DYNC1I1: variants seen among roughly 807,000 people sequenced by gnomAD.
DYNC1I1 encodes dynein cytoplasmic 1 intermediate chain 1, also known as cytoplasmic dynein 1 intermediate chain 1.
DYNC1I1 carries 43 observed loss-of-function variants against 86.6 expected under a neutral mutation model. That is an observed-to-expected ratio of 0.50 (90% CI 0.39 to 0.64). The LOEUF (loss-of-function observed/expected upper bound fraction) is 0.64. DYNC1I1 is among the 30% of genes least tolerant of loss of function. The pLI is 0.00. For missense variants in DYNC1I1, 604 were observed against 788.8 expected (o/e 0.77, Z 2.81); for synonymous variants, 262 against 283.7 (o/e 0.92, Z 0.77).
intron 5 of DYNC1I1, among the ~76,000 whole-genome samples, chr7:95,861,475 C>G (rs1584102957): frequency 6.6e-6 from 1 of 152,218 alleles, no homozygotes; most frequent in East Asian, 1.9e-4. Flanking sequence ...CTGATATGCG[C>G]CTTTATTTAG....
intron 6 of DYNC1I1, among the ~76,000 whole-genome samples, chr7:95,943,383 G>T (rs1196506882): frequency 6.6e-6 from 1 of 151,776 alleles, no homozygotes; most frequent in Admixed American, 6.6e-5. Flanking sequence ...AGGATAGAAA[G>T]AAATGGAAGA....
intron 5 of DYNC1I1, among the ~76,000 whole-genome samples, chr7:95,832,071 A>C (rs1281458807): frequency 1.4e-5 from 2 of 143,966 alleles, no homozygotes; most frequent in Non-Finnish European, 3.0e-5. Flanking sequence ...GCACCCACTA[A>C]CTCGTCATAT....
chr7:95,865,686 C>G (rs1789999634), intron 5 of DYNC1I1, among the ~76,000 whole-genome samples: 2 of 152,096 alleles, frequency 1.3e-5, no homozygotes, highest in Non-Finnish European at 2.9e-5. Flanking sequence ...TTTTTAGATA[C>G]ACAAATACTC....
At chr7:96,086,172 TGCTGTCACACAGATGCA>T (rs994815366) in intron 16 of DYNC1I1, among the ~76,000 whole-genome samples, 13 of 152,212 alleles carry the variant, frequency 8.5e-5, no homozygotes, top group African/African-American at 3.1e-4. Flanking sequence ...AAGGCTTCAG[TGCTGTCACACAGATGCA>T]GCTGTCATAA....
intron 16 of DYNC1I1, among the ~76,000 whole-genome samples, chr7:96,088,897 A>G (rs1259813495): frequency 6.6e-6 from 1 of 152,174 alleles, no homozygotes. Context: ...ATTTTAAAGC[A>G]TGAGTTACTT....
At chr7:95,859,865 G>A (rs1789829154) in intron 5 of DYNC1I1, among the ~76,000 whole-genome samples, 1 of 152,226 alleles carries the variant, frequency 6.6e-6, no homozygotes, top group South Asian at 2.1e-4. Context: ...AATGAGCCTG[G>A]TGTTAGGATC....
At chr7:95,941,469 C>T (rs565724597) in intron 6 of DYNC1I1, among the ~76,000 whole-genome samples, 29 of 152,250 alleles carry the variant, frequency 1.9e-4, no homozygotes, top group South Asian at 6.2e-4. Context: ...TCGAGCTTCC[C>T]GGGCTGCTTT....
At chr7:95,957,177 C>CT (rs1241642676) in intron 6 of DYNC1I1, among the ~76,000 whole-genome samples, 1 of 152,092 alleles carries the variant, frequency 6.6e-6, no homozygotes, top group Non-Finnish European at 1.5e-5. Context: ...TAAAATATTC[C>CT]TTATGTGAAA....
At position 95,780,573 on chromosome 7, in the gene DYNC1I1, C is replaced by T. The variant is rs188521224; in HGVS notation, c.-10+7800C>T. On this transcript the variant is annotated intron_variant, in intron 1 of 16. Transcript: ENST00000447467. Reference sequence around the variant, plus strand: ...GATTACAGGTGTGAGCCACCACGCCCGGCCTCACTTTCCCTTTTAGAATAC... The same window carrying T: ...GATTACAGGTGTGAGCCACCACGCCTGGCCTCACTTTCCCTTTTAGAATAC... Among the ~76,000 whole-genome samples, 51 of 152,114 alleles carry T rather than the reference C, an allele frequency of 3.4e-4. 1 individual carries two copies. In the East Asian group the frequency reaches 9.1e-3, roughly 27 times the overall value.
intron 6 of DYNC1I1, among the ~76,000 whole-genome samples, chr7:95,973,410 C>T (rs1244598806): frequency 6.6e-6 from 1 of 152,142 alleles, no homozygotes; most frequent in East Asian, 1.9e-4. Context: ...AAATTAATAC[C>T]TACAACTGGT....
chr7:95,803,016 T>A (rs1413753985), intron 1 of DYNC1I1, among the ~76,000 whole-genome samples: 5 of 152,242 alleles, frequency 3.3e-5, no homozygotes, highest in African/African-American at 1.2e-4. Context: ...AGCATTTTGC[T>A]CTGCATTCCT....
At chr7:96,043,338 A>G (rs886549249) in intron 14 of DYNC1I1, among the ~76,000 whole-genome samples, 2 of 152,156 alleles carry the variant, frequency 1.3e-5, no homozygotes, top group Admixed American at 6.5e-5. Flanking sequence ...GTAGGCTTAC[A>G]CTCAAAATTG....
chr7:95,923,341 A>G (rs1025768760), intron 6 of DYNC1I1, among the ~76,000 whole-genome samples: 1 of 152,140 alleles, frequency 6.6e-6, no homozygotes, highest in African/African-American at 2.4e-5. Flanking sequence ...AAGCAATCTG[A>G]AAGAGTCACT....
chr7:95,977,664 T>G, intron 7 of DYNC1I1, 63 bp downstream of exon 7: 1 of 1,469,902 alleles, frequency 6.8e-7, no homozygotes, highest in Non-Finnish European at 9.3e-7. Flanking sequence ...CCTTTACTAA[T>G]ATAAGAGACT....
rs80172369 is a variant in DYNC1I1, at chr7:95,917,024, G to A, written c.490+47026G>A. On this transcript the variant is annotated intron_variant, in intron 6 of 16. Coordinates refer to ENST00000447467, the MANE Select transcript of DYNC1I1 (RefSeq NM_001135556.2). ...AGTAAGGATGAGTATGGTAGTTGAG[G>A]GCAACCGGGTGTGATTATCTAATTT... is the stretch of plus-strand genomic sequence containing the variant. Among the ~76,000 whole-genome samples the A allele has an allele frequency of 4.2e-4, 64 of 152,228 alleles. No individual in the cohort carries two copies. The East Asian group carries it at 0.012, about 28-fold the overall frequency.
chr7:96,008,378 T>C (rs1284679403), intron 10 of DYNC1I1, among the ~76,000 whole-genome samples: 1 of 151,690 alleles, frequency 6.6e-6, no homozygotes, highest in Non-Finnish European at 1.5e-5. Flanking sequence ...TTGAGCTGTA[T>C]AAGAAAGGAG....
intron 5 of DYNC1I1, among the ~76,000 whole-genome samples, chr7:95,840,319 C>CT (rs1215395556): frequency 6.6e-6 from 1 of 151,856 alleles, no homozygotes; most frequent in Non-Finnish European, 1.5e-5. Context: ...CTGTCTTTGA[C>CT]TTTACTTCTC....
chr7:96,032,250 G>A (rs1358527149), intron 11 of DYNC1I1, among the ~76,000 whole-genome samples: 1 of 152,136 alleles, frequency 6.6e-6, no homozygotes, highest in Non-Finnish European at 1.5e-5. Context: ...TTAGTAACAT[G>A]TATTCCTTCC....
chr7:96,077,278 G>GTGTGTGT (rs1562996246), intron 15 of DYNC1I1, among the ~76,000 whole-genome samples: 14 of 135,730 alleles, frequency 1.0e-4, no homozygotes, highest in African/African-American at 3.9e-4. Context: ...TGTGTGTGTG[G>GTGTGTGT]GAGGGGGCAG....
Sources: gnomAD v4.1 joint callset for allele counts (sites outside exome capture counted in the v4.1 genomes callset) on GRCh38, gnomAD v4.1.1 for gene constraint, MANE v1.5 for transcripts, NCBI Gene and HGNC (gene_info 2026-07-23, HGNC 2026-07-21) for gene names.